The following KLF4 variants were observed in gnomAD, a reference collection of about 807,000 sequenced individuals.
KLF4 encodes the protein KLF transcription factor 4.
KLF4 carries 14 observed loss-of-function variants against 38.0 expected under a neutral mutation model. That is an observed-to-expected ratio of 0.37 (90% CI 0.24 to 0.58). The LOEUF is 0.58. Ranked by LOEUF, KLF4 falls within the 20% of genes least tolerant of loss-of-function variation. The pLI is 0.76. For missense variants in KLF4, 737 were observed against 670.1 expected (o/e 1.10, Z -1.10); for synonymous variants, 398 against 302.5 (o/e 1.32, Z -3.28).
In KLF4 at chr9:107,487,215, G is replaced by A; in HGVS notation, c.1100-23C>T. The stretch of plus-strand genomic sequence containing the variant: ...GCTCTAGGGGTGAAGAAGGTGGGGT[G>A]AGCATCATCCCGTGTGTCCCGAAGT... On this transcript the variant is annotated intron_variant, in intron 3 of 4. Coordinates refer to ENST00000374672, the MANE Select transcript of KLF4 (RefSeq NM_004235.6). This position sits in a 1 kb window ranked among gnomAD's most constrained non-coding sequence, Gnocchi z 6.1. 6.2e-7 allele frequency: 1 copy of A among 1,612,442 alleles called. No individual in the cohort carries two copies. Among genetic ancestry groups the A allele is most frequent in the Non-Finnish European group, 8.5e-7 (1 of 1,179,054 alleles).
rs1340527847 is a variant in KLF4 at position 107,485,141 on chromosome 9, A to T, written c.*610T>A. 5.0e-6 allele frequency: 1 copy of T among 199,538 alleles called. No individual in the cohort carries two copies. Among genetic ancestry groups the T allele is most frequent in the East Asian group, 7.9e-5 (1 of 12,690 alleles). The allele number at this position is 199,538 out of a possible 1,614,324, so 12.4% of individuals were successfully genotyped here. ...AATGCTAAAGAAGTAAACCAGGTAT[A>T]TTACCTGACTTAGGTCATAAATGTT... On this transcript the variant is annotated 3_prime_UTR_variant, in exon 5 of 5. Transcript: ENST00000374672. The surrounding 1 kb of genome is among the most constrained non-coding windows in gnomAD (Gnocchi z 4.9).
intron 4 of KLF4, 86 bp downstream of exon 4, chr9:107,486,942 A>C: frequency 6.2e-7 from 1 of 1,602,544 alleles, no homozygotes; most frequent in Non-Finnish European, 8.5e-7. Flanking sequence ...CTAACCTGGG[A>C]AGTCAAGGAG....
Position 107,485,736 on chromosome 9 carries a change from T to C in KLF4, c.*15A>G, listed in dbSNP as rs1829048635. The C allele has an allele frequency of 1.3e-6, 2 of 1,564,972 alleles. No individual in the cohort carries two copies. The highest frequency in any genetic ancestry group is 1.7e-6 in the Non-Finnish European group (2 of 1,158,920). On this transcript the variant is annotated 3_prime_UTR_variant, in exon 5 of 5. Transcript: ENST00000374672. The surrounding 1 kb of genome is among the most constrained non-coding windows in gnomAD (Gnocchi z 4.9). ...TTCTCTTCTGGCAGTGTGGGTCATA[T>C]CCACTGTCTGGGATTTAAAAATGCC... is the stretch of plus-strand genomic sequence containing the variant.
rs1829078619 is a variant in KLF4, at chr9:107,487,170, G to A, written c.1122C>T (p.Cys374=). The A allele has an allele frequency of 6.2e-7, 1 of 1,614,096 alleles. No individual in the cohort carries two copies. The highest frequency in any genetic ancestry group is 1.7e-5 in the Admixed American group (1 of 60,014). ...TCTTTGGCTTGGGCTCCTCTGGCAT[G>A]CAGGAACCGGGTGGCATGAGCTCTA... ...HYQELMPPGS[C]MPEEPKPKRG... is the part of the protein sequence containing the mutation. The change falls in exon 4 of 5, where the codon TGC becomes TGT. Residue 374 remains cysteine, a synonymous_variant. Transcript: ENST00000374672. This position sits in a 1 kb window ranked among gnomAD's most constrained non-coding sequence, Gnocchi z 6.1.
chr9:107,485,221 T>C lies in KLF4; in HGVS notation c.*530A>G, dbSNP rs562620359. On this transcript the variant is annotated 3_prime_UTR_variant, in exon 5 of 5. Transcript: ENST00000374672. This position sits in a 1 kb window ranked among gnomAD's most constrained non-coding sequence, Gnocchi z 4.9. ...TCAAAGTATGCAGCAGTTTGAAAAC[T>C]TTGGCTTCCTTGTTTGGTACCTTTA... 4.8e-6 allele frequency: 1 copy of C among 207,702 alleles called. No individual in the cohort carries two copies. Among genetic ancestry groups the C allele is most frequent in the African/African-American group, 2.3e-5 (1 of 44,038 alleles). 12.9% of individuals were successfully genotyped at this position (207,702 alleles called of 1,614,324 possible). A position where few individuals can be genotyped will look rare whatever the true frequency, so the allele number is the denominator to read the frequency against.
chr9:107,487,145 T>C lies in KLF4; in HGVS notation c.1147A>G (p.Arg383Gly), dbSNP rs752741545. The stretch of plus-strand genomic sequence containing the variant: ...TTCCGGGGCCACGATCGTCTTCCCC[T>C]CTTTGGCTTGGGCTCCTCTGGCATG... ...SCMPEEPKPKRGRRSWPRKRT... is the reference protein window; with the variant it reads ...SCMPEEPKPKGGRRSWPRKRT... Residue 383 changes from arginine (R) to glycine (G), a missense_variant, in exon 4 of 5, where the codon AGG becomes GGG. Arg to Gly is a moderately radical substitution (Grantham distance 125). Around this residue, in one of 2 missense-constraint regions of KLF4, gnomAD observed 695 missense variants for 554.5 expected, o/e 1.25. Coordinates refer to ENST00000374672, the MANE Select transcript of KLF4 (RefSeq NM_004235.6). The surrounding 1 kb of genome is among the most constrained non-coding windows in gnomAD (Gnocchi z 6.1). The C allele has an allele frequency of 1.2e-6, 2 of 1,614,186 alleles. No homozygotes were observed. The highest frequency in any genetic ancestry group is 2.2e-5 in the South Asian group (2 of 91,088).
chr9:107,486,706 G>A (rs776340412), intron 4 of KLF4, among the ~76,000 whole-genome samples: 2 of 152,032 alleles, frequency 1.3e-5, no homozygotes, highest in Non-Finnish European at 1.5e-5. Flanking sequence ...ATAATGCCAA[G>A]CTAGGAGAGG....
In KLF4 at chr9:107,484,913, A is replaced by C. The variant is rs992846734; in HGVS notation, c.*838T>G. 5.2e-6 allele frequency: 1 copy of C among 191,284 alleles called. No homozygotes were observed. The highest frequency in any genetic ancestry group is 1.1e-5 in the Non-Finnish European group (1 of 91,104). 11.8% of individuals were successfully genotyped at this position (191,284 alleles called of 1,614,324 possible). On this transcript the variant is annotated 3_prime_UTR_variant, in exon 5 of 5. Transcript: ENST00000374672. Reference sequence around the variant, plus strand: ...TTCTCACCTTGAGTATGCAAAATACAAACTCCACAAAATGTTCATTTTACT... The same window carrying C: ...TTCTCACCTTGAGTATGCAAAATACCAACTCCACAAAATGTTCATTTTACT...
chr9:107,488,459 T>C lies in KLF4; in HGVS notation c.127-192A>G, dbSNP rs1329037920. 5.0e-6 allele frequency: 5 copies of C among 997,204 alleles called. No individual in the cohort carries two copies. Among genetic ancestry groups the C allele is most frequent in the Admixed American group, 2.9e-5 (1 of 34,158 alleles). 61.8% of individuals were successfully genotyped at this position (997,204 alleles called of 1,614,324 possible). ...CCCGGGTCGAAGAAGAGGTGATGCG[T>C]CTGTATTGCGGGTGTTATGTCCTGT... On this transcript the variant is annotated intron_variant, in intron 2 of 4. Transcript: ENST00000374672. The surrounding 1 kb of genome is among the most constrained non-coding windows in gnomAD (Gnocchi z 5.7).
Position 107,489,198 on chromosome 9 carries a change from G to A in KLF4, c.-26C>T. 2.0e-6 allele frequency: 3 copies of A among 1,480,994 alleles called. No individual in the cohort carries two copies. The East Asian group carries it at 7.5e-5, about 37-fold the overall frequency. 91.7% of individuals were successfully genotyped at this position (1,480,994 alleles called of 1,614,324 possible). ...TAATGTGGGGGCCCAGAAGGTCCTC[G>A]GCAGCCCGAAGCAGCTGGGGCACCT... On this transcript the variant is annotated 5_prime_UTR_variant, in exon 1 of 5. Coordinates refer to ENST00000374672, the MANE Select transcript of KLF4 (RefSeq NM_004235.6).
Position 107,487,677 on chromosome 9 carries a change from G to T in KLF4, c.717C>A (p.Gly239=). The change falls in exon 3 of 5, where the codon GGC becomes GGA. Residue 239 remains glycine, a synonymous_variant. Coordinates refer to ENST00000374672, the MANE Select transcript of KLF4 (RefSeq NM_004235.6). This position sits in a 1 kb window ranked among gnomAD's most constrained non-coding sequence, Gnocchi z 6.1. ...TGACCGACGGGCTGCCGTACTCGCT[G>T]CCAGGGGCGCTCAGCGACGCCTTCA... ...FVLKASLSAP[G]SEYGSPSVIS... 1 of 1,592,496 alleles carries T rather than the reference G, an allele frequency of 6.3e-7. No individual in the cohort carries two copies.
rs867890436 is a variant in KLF4 at position 107,488,977 on chromosome 9, G to C, written c.79C>G (p.Pro27Ala). The change falls in exon 2 of 5, where the codon CCG becomes GCG. Residue 27 changes from proline (P) to alanine (A), a missense_variant. Physicochemically the swap from Pro to Ala is conservative, Grantham distance 27. Coordinates refer to ENST00000374672, the MANE Select transcript of KLF4 (RefSeq NM_004235.6). The surrounding 1 kb of genome is among the most constrained non-coding windows in gnomAD (Gnocchi z 5.7). ...LPSFSTFASGPAGREKTLRQA... is the reference protein window; with the variant it reads ...LPSFSTFASGAAGREKTLRQA... ...CGCAGTGTCTTCTCCCTTCCCGCCG[G>C]GCCAGACGCGAACGTGGAGAAAGAT... 3 of 1,569,582 alleles carry C rather than the reference G, an allele frequency of 1.9e-6. No homozygotes were observed. Among genetic ancestry groups the C allele is most frequent in the Non-Finnish European group, 2.6e-6 (3 of 1,156,882 alleles).
In KLF4 at chr9:107,487,665, G is replaced by A. The variant is rs778079129; in HGVS notation, c.729C>T (p.Gly243=). The change falls in exon 3 of 5, where the codon GGC becomes GGT. Residue 243 remains glycine, a synonymous_variant. Transcript: ENST00000374672. The surrounding 1 kb of genome is among the most constrained non-coding windows in gnomAD (Gnocchi z 6.1). ...TGCTGACGCTGATGACCGACGGGCT[G>A]CCGTACTCGCTGCCAGGGGCGCTCA... The part of the protein sequence containing the change: ...ASLSAPGSEY[G]SPSVISVSKG... 5 of 1,591,596 alleles carry A rather than the reference G, an allele frequency of 3.1e-6. No individual in the cohort carries two copies. The South Asian group carries it at 4.4e-5, about 14-fold the overall frequency.
rs760609103 is a variant in KLF4 at position 107,487,227 on chromosome 9, G to T, written c.1100-35C>A. ...AAGAAGGTGGGGTGAGCATCATCCC[G>T]TGTGTCCCGAAGTGGGGCCAGCACA... On this transcript the variant is annotated intron_variant, in intron 3 of 4. Coordinates refer to ENST00000374672, the MANE Select transcript of KLF4 (RefSeq NM_004235.6). The surrounding 1 kb of genome is among the most constrained non-coding windows in gnomAD (Gnocchi z 6.1). The T allele has an allele frequency of 1.2e-6, 2 of 1,608,790 alleles. No individual in the cohort carries two copies. Among genetic ancestry groups the T allele is most frequent in the Non-Finnish European group, 1.7e-6 (2 of 1,177,040 alleles).
At position 107,484,985 on chromosome 9, in the gene KLF4, T is replaced by C. The variant is rs936538503; in HGVS notation, c.*766A>G. 3 of 200,632 alleles carry C rather than the reference T, an allele frequency of 1.5e-5. No homozygotes were observed. Among genetic ancestry groups the C allele is most frequent in the Non-Finnish European group, 3.1e-5 (3 of 97,088 alleles). The allele number at this position is 200,632 out of a possible 1,614,324, so 12.4% of individuals were successfully genotyped here. A position where few individuals can be genotyped will look rare whatever the true frequency, so the allele number is the denominator to read the frequency against. ...AATAGACGTTTGCTTAAATTTATAT[T>C]ACATATTTATTAAGGCAAGGAACTA... On this transcript the variant is annotated 3_prime_UTR_variant, in exon 5 of 5. Transcript: ENST00000374672.
chr9:107,487,953 G>A lies in KLF4; in HGVS notation c.441C>T (p.Thr147=). The change falls in exon 3 of 5, where the codon ACC becomes ACT. Residue 147 remains threonine (T), a synonymous_variant. Coordinates refer to ENST00000374672, the MANE Select transcript of KLF4 (RefSeq NM_004235.6). This position sits in a 1 kb window ranked among gnomAD's most constrained non-coding sequence, Gnocchi z 6.1. Reference sequence around the variant, plus strand: ...CCCGGATCGGATAGGTGAAGCTGCAGGTGGAGGGCGCGCTGGCAGGGCCGC... The same window carrying A: ...CCCGGATCGGATAGGTGAAGCTGCAAGTGGAGGGCGCGCTGGCAGGGCCGC... ...SSSGPASAPS[T]CSFTYPIRAG... 8 of 1,584,090 alleles carry A rather than the reference G, an allele frequency of 5.1e-6. No individual in the cohort carries two copies. Among genetic ancestry groups the A allele is most frequent in the Non-Finnish European group, 6.9e-6 (8 of 1,166,044 alleles).
In KLF4 at chr9:107,489,316, G is replaced by A. The variant is rs1829149483; in HGVS notation, c.-144C>T. 8.7e-7 allele frequency: 1 copy of A among 1,149,100 alleles called. No individual in the cohort carries two copies. The highest frequency in any genetic ancestry group is 2.9e-5 in the East Asian group (1 of 34,592). 71.2% of individuals were successfully genotyped at this position (1,149,100 alleles called of 1,614,324 possible). The stretch of plus-strand genomic sequence containing the variant: ...TCTTCTTTGGATTAAATATAACTTG[G>A]AAGCGTCTTTTTTAAAAAGTTCCTT... On this transcript the variant is annotated 5_prime_UTR_variant, in exon 1 of 5. Transcript: ENST00000374672.
Position 107,487,900 on chromosome 9 carries a change from C to T in KLF4, c.494G>A (p.Gly165Asp), listed in dbSNP as rs748493711. 1 of 1,562,006 alleles carries T rather than the reference C, an allele frequency of 6.4e-7. No homozygotes were observed. The highest frequency in any genetic ancestry group is 8.7e-7 in the Non-Finnish European group (1 of 1,154,244). Residue 165 changes from glycine to aspartate, a missense_variant, in exon 3 of 5, where the codon GGC becomes GAC. By Grantham distance (94) the Gly-to-Asp change is moderately conservative. Coordinates refer to ENST00000374672, the MANE Select transcript of KLF4 (RefSeq NM_004235.6). This position sits in a 1 kb window ranked among gnomAD's most constrained non-coding sequence, Gnocchi z 6.1. ...RAGNDPGVAP[G>D]GTGGGLLYGR... ...ATAGAGGAGGCCTCCGCCCGTGCCG[C>T]CCGGCGCCACGCCCGGGTCGTTCCC...
chr9:107,487,643 T>C lies in KLF4; in HGVS notation c.751A>G (p.Ser251Gly). 1.3e-6 allele frequency: 2 copies of C among 1,590,494 alleles called. No individual in the cohort carries two copies. The highest frequency in any genetic ancestry group is 1.7e-6 in the Non-Finnish European group (2 of 1,167,066). ...TGGCTGCCGTCAGGGCTGCCTTTGCTGACGCTGATGACCGACGGGCTGCCG... is the reference window on the plus strand; with the variant it reads ...TGGCTGCCGTCAGGGCTGCCTTTGCCGACGCTGATGACCGACGGGCTGCCG... ...EYGSPSVISV[S>G]KGSPDGSHPV... Residue 251 changes from serine (S) to glycine (G), a missense_variant, in exon 3 of 5, where the codon AGC (serine) becomes GGC (glycine). Ser to Gly is a moderately conservative substitution (Grantham distance 56). Around this residue, in one of 2 missense-constraint regions of KLF4, gnomAD observed 695 missense variants for 554.5 expected, o/e 1.25. Coordinates refer to ENST00000374672, the MANE Select transcript of KLF4 (RefSeq NM_004235.6). The surrounding 1 kb of genome is among the most constrained non-coding windows in gnomAD (Gnocchi z 6.1).
Sources: gnomAD v4.1 joint callset for allele counts (sites outside exome capture counted in the v4.1 genomes callset) on GRCh38, gnomAD v4.1.1 for gene constraint, gnomAD v4.1.1 regional missense constraint, Gnocchi (gnomAD v3.1) non-coding constraint, MANE v1.5 for transcripts, NCBI Gene and HGNC (gene_info 2026-07-23, HGNC 2026-07-21) for gene names.